DDB1: variants seen among roughly 807,000 people sequenced by gnomAD.
DDB1 encodes damage specific DNA binding protein 1.
DDB1 carries 18 observed loss-of-function variants against 133.1 expected under a neutral mutation model. The ratio of observed to expected loss-of-function variants is 0.14; its 90% CI spans 0.09 to 0.20. The LOEUF (loss-of-function observed/expected upper bound fraction) is 0.20, where lower values mean the gene tolerates loss of function less well. DDB1 is among the 10% of genes least tolerant of loss of function. The pLI, the probability that DDB1 is intolerant of heterozygous loss-of-function variation, is 1.00. For missense variants in DDB1, 828 were observed against 1,459.2 expected (o/e 0.57, Z 7.05); for synonymous variants, 580 against 550.5 (o/e 1.05, Z -0.75).
In DDB1 at chr11:61,300,232, G is replaced by C. The variant is rs557724135; in HGVS notation, c.3340-13C>G. ...TGCCATCGTCATACTGCAATGAGAA[G>C]ATGGGCGGGGCTGTGAGGACCAAGA... On this transcript the variant is annotated splice_polypyrimidine_tract_variant and intron_variant, in intron 26 of 26. Coordinates refer to ENST00000301764, the MANE Select transcript of DDB1 (RefSeq NM_001923.5). 1.7e-5 allele frequency: 28 copies of C among 1,613,602 alleles called. No individual in the cohort carries two copies. In the East Asian group the frequency reaches 5.1e-4, roughly 30 times the overall value.
intron 10 of DDB1, among the ~76,000 whole-genome samples, chr11:61,316,948 T>TAG (rs1421805276): frequency 3.7e-3 from 15 of 4,000 alleles, no homozygotes; most frequent in South Asian, 0.013. Flanking sequence ...AAAGGATAGA[T>TAG]ATATATATAT....
intron 4 of DDB1, among the ~76,000 whole-genome samples, chr11:61,328,658 GTC>G (rs1436863077): frequency 6.6e-6 from 1 of 152,218 alleles, no homozygotes; most frequent in Non-Finnish European, 1.5e-5. Flanking sequence ...GGATCATGAG[GTC>G]ATGAGTTTGA....
At chr11:61,307,869 C>T (rs868362447) in intron 21 of DDB1, among the ~76,000 whole-genome samples, 4 of 152,154 alleles carry the variant, frequency 2.6e-5, no homozygotes, top group South Asian at 2.1e-4. Context: ...TCACCAAAGT[C>T]CTTCAATCCT....
At chr11:61,324,199 C>T in intron 6 of DDB1, 62 bp from the exon 7 acceptor site, 1 of 1,590,278 alleles carries the variant, frequency 6.3e-7, no homozygotes, top group Non-Finnish European at 8.6e-7. Context: ...AAAACAAACC[C>T]TACTGGACCA....
chr11:61,300,126 CT>C lies in DDB1; in HGVS notation c.*9del. ...TGGGGAGGGTCAGCAAAGGGGCCCC[CT>C]GCCCTTGGCTAATGGATCCGAGTTA... On this transcript the variant is annotated 3_prime_UTR_variant, in exon 27 of 27. Coordinates refer to ENST00000301764, the MANE Select transcript of DDB1 (RefSeq NM_001923.5). 1.2e-6 allele frequency: 2 copies of C among 1,613,930 alleles called. No homozygotes were observed. Among genetic ancestry groups the C allele is most frequent in the Non-Finnish European group, 1.7e-6 (2 of 1,179,966 alleles).
At chr11:61,323,121 A>T (rs922387462) in intron 7 of DDB1, 27 bp from the exon 8 acceptor site, 3 of 1,594,694 alleles carry the variant, frequency 1.9e-6, no homozygotes, top group Non-Finnish European at 2.6e-6. Context: ...AACGTGAAAG[A>T]AATGAGAATG....
chr11:61,310,670 A>G (rs542940198), intron 18 of DDB1: 1 of 340,178 alleles, frequency 2.9e-6, no homozygotes, highest in African/African-American at 2.1e-5. Flanking sequence ...AGCACAGCTA[A>G]AAAGGAACTC....
At chr11:61,324,197 C>A in intron 6 of DDB1, 60 bp from the exon 7 acceptor site, 3 of 1,589,482 alleles carry the variant, frequency 1.9e-6, no homozygotes, top group East Asian at 2.2e-5. Flanking sequence ...AGAAAACAAA[C>A]CCTACTGGAC....
At chr11:61,325,521 A>C in intron 6 of DDB1, 90 bp downstream of exon 6, 1 of 1,074,384 alleles carries the variant, frequency 9.3e-7, no homozygotes, top group Non-Finnish European at 1.4e-6. Flanking sequence ...GCATCTGTGA[A>C]TCTCCTTTTG....
rs535200191 is a variant in DDB1, at chr11:61,313,119, T to A, written c.2069+380A>T. On this transcript the variant is annotated intron_variant, in intron 16 of 26. Coordinates refer to ENST00000301764, the MANE Select transcript of DDB1 (RefSeq NM_001923.5). ...TGAGCCACCATGCCCAGCCAGAGAA[T>A]CTGCATTTCTAACAAGTTCCCAAGT... Among the ~76,000 whole-genome samples, 4 of 152,336 alleles carry A rather than the reference T, an allele frequency of 2.6e-5. No homozygotes were observed. In the East Asian group the frequency reaches 7.7e-4, roughly 29 times the overall value.
At chr11:61,319,732 T>C (rs1317712756) in intron 10 of DDB1, among the ~76,000 whole-genome samples, 1 of 152,192 alleles carries the variant, frequency 6.6e-6, no homozygotes, top group Non-Finnish European at 1.5e-5. Context: ...GCCCGGCCTC[T>C]CATTGCTCTT....
In DDB1 at chr11:61,322,408, T is replaced by C; in HGVS notation, c.1010A>G (p.Asn337Ser). 1 of 1,612,616 alleles carries C rather than the reference T, an allele frequency of 6.2e-7. No homozygotes were observed. Among genetic ancestry groups the C allele is most frequent in the South Asian group, 1.1e-5 (1 of 91,054 alleles). The change falls in exon 9 of 27, where the codon AAC becomes AGC. Residue 337 changes from asparagine (N) to serine (S), a missense_variant. Physicochemically the swap from Asn to Ser is conservative, Grantham distance 46. Coordinates refer to ENST00000301764, the MANE Select transcript of DDB1 (RefSeq NM_001923.5). ...RLGDSQLVKL[N>S]VDSNEQGSYV... ...GGAGCCTTGTTCATTACTGTCAACG[T>C]TGAGCTAATAAGAAAGAACAATGTT... is the stretch of plus-strand genomic sequence containing the variant.
chr11:61,316,970 T>TATAC lies in DDB1; in HGVS notation c.1226-404_1226-403insGTAT. On this transcript the variant is annotated intron_variant, in intron 10 of 26. Transcript: ENST00000301764. ...AGATATATATATATATATATATATATATATATATATATATATATATATATA... is the reference window on the plus strand; with the variant it reads ...AGATATATATATATATATATATATATATACATATATATATATATATATATATATA... Among the ~76,000 whole-genome samples the TATAC allele has an allele frequency of 3.7e-5, 2 of 54,334 alleles. 1 individual carries two copies. The highest frequency in any genetic ancestry group is 1.3e-3 in the South Asian group (2 of 1,538). The allele number at this position is 54,334 out of a possible 152,430, so 35.6% of individuals were successfully genotyped here.
chr11:61,323,444 G>C (rs1278516651), intron 7 of DDB1: 6 of 288,240 alleles, frequency 2.1e-5, no homozygotes, highest in African/African-American at 1.3e-4. Flanking sequence ...GGGTCTCACT[G>C]TCACCCAGGC....
intron 4 of DDB1, among the ~76,000 whole-genome samples, chr11:61,328,004 T>G (rs1028379038): frequency 5.9e-5 from 9 of 152,316 alleles, no homozygotes; most frequent in African/African-American, 2.2e-4. Context: ...ATGACACAAC[T>G]TTGCAAAAAG....
chr11:61,329,004 G>A (rs1249311782), intron 4 of DDB1, among the ~76,000 whole-genome samples: 2 of 151,928 alleles, frequency 1.3e-5, no homozygotes, highest in Non-Finnish European at 1.5e-5. Flanking sequence ...TAATATAAAG[G>A]CAAGATCTAG....
At chr11:61,315,959 T>A (rs1236735944) in intron 12 of DDB1, 1 of 197,884 alleles carries the variant, frequency 5.1e-6, no homozygotes. Flanking sequence ...AGGGAAAAAA[T>A]TTGAGTGTCT....
chr11:61,302,199 G>A lies in DDB1; in HGVS notation c.3215+58C>T, dbSNP rs115359696. ...AGTAGCTTCCGGGTAATGTGACTCC[G>A]TGTGCCACATATGCCGGGATGTGCT... is the stretch of plus-strand genomic sequence containing the variant. On this transcript the variant is annotated intron_variant, in intron 25 of 26. Coordinates refer to ENST00000301764, the MANE Select transcript of DDB1 (RefSeq NM_001923.5). 916 of 1,416,830 alleles carry A rather than the reference G, an allele frequency of 6.5e-4. 5 individuals carry two copies. In the African/African-American group the frequency reaches 9.5e-3, roughly 15 times the overall value. The allele number at this position is 1,416,830 out of a possible 1,614,324, so 87.8% of individuals were successfully genotyped here. A position where few individuals can be genotyped will look rare whatever the true frequency, so the allele number is the denominator to read the frequency against.
rs778040253 is a variant in DDB1, at chr11:61,311,802, C to T, written c.2259G>A (p.Arg753=). Residue 753 remains arginine (R), a synonymous_variant, in exon 18 of 27, where the codon AGG becomes AGA. Transcript: ENST00000301764. The part of the protein sequence containing the change: ...QDTSGGTTAL[R]PSASTQALSS... ...CCCTTACCTGGGTGCTAGCGCTGGG[C>T]CTCAAGGCTGTCGTGCCCCCACTCG... 6.2e-7 allele frequency: 1 copy of T among 1,613,518 alleles called. No individual in the cohort carries two copies. Among genetic ancestry groups the T allele is most frequent in the Non-Finnish European group, 8.5e-7 (1 of 1,179,794 alleles).
Sources: allele counts gnomAD v4.1 joint callset (sites outside exome capture counted in the v4.1 genomes callset), GRCh38; gene constraint gnomAD v4.1.1; transcripts MANE v1.5; gene names NCBI Gene and HGNC (gene_info 2026-07-23, HGNC 2026-07-21).